The following PLCB1 variants were observed in gnomAD, a reference collection of about 807,000 sequenced individuals.
PLCB1 encodes the protein 1-phosphatidylinositol 4,5-bisphosphate phosphodiesterase beta-1.
A neutral mutation model predicts 161.8 loss-of-function variants in PLCB1; 46 were observed. The ratio of observed to expected loss-of-function variants is 0.28; its 90% CI spans 0.22 to 0.36. PLCB1 has a LOEUF of 0.36. PLCB1 is among the 10% of genes least tolerant of loss of function. The pLI, the probability that PLCB1 is intolerant of heterozygous loss-of-function variation, is 1.00. For missense variants in PLCB1, 1,016 were observed against 1,472.5 expected (o/e 0.69, Z 5.07); for synonymous variants, 517 against 503.7 (o/e 1.03, Z -0.35).
At chr20:8,732,317 G>A (rs1409772934) in intron 18 of PLCB1, 1 of 151,986 alleles carries the variant, frequency 6.6e-6, no homozygotes, top group Non-Finnish European at 1.5e-5. Flanking sequence ...GCTGGTTTAA[G>A]CTTTCTGAAG....
chr20:8,298,584 A>G (rs1983747266), intron 2 of PLCB1, among the ~76,000 whole-genome samples: 1 of 150,244 alleles, frequency 6.7e-6, no homozygotes, highest in African/African-American at 2.4e-5. Flanking sequence ...AGAAGTGTGG[A>G]ATTGGGGCTT....
chr20:8,497,248 C>G (rs1366492078), intron 3 of PLCB1, among the ~76,000 whole-genome samples: 1 of 152,104 alleles, frequency 6.6e-6, no homozygotes, highest in Non-Finnish European at 1.5e-5. Flanking sequence ...GGTATATATG[C>G]TGCCTATATA....
At chr20:8,176,238 G>A (rs965699320) in intron 2 of PLCB1, among the ~76,000 whole-genome samples, 4 of 152,150 alleles carry the variant, frequency 2.6e-5, no homozygotes, top group African/African-American at 9.7e-5. Flanking sequence ...ACTGAAGATA[G>A]ACCAGATGCC....
Position 8,744,655 on chromosome 20 carries a change from T to TAAAATA in PLCB1, c.2523+3086_2523+3087insTAAAAA, listed in dbSNP as rs1981071970. ...TAAAATAAAATAAAATAAAATAAAA[T>TAAAATA]AAAAAAATAAAATTGTTTGTAAATA... On this transcript the variant is annotated intron_variant, in intron 23 of 31. Transcript: ENST00000338037. Among the ~76,000 whole-genome samples the TAAAATA allele has an allele frequency of 2.8e-5, 4 of 143,056 alleles. No individual in the cohort carries two copies. In the South Asian group the frequency reaches 8.5e-4, roughly 30 times the overall value. 93.9% of individuals were successfully genotyped at this position (143,056 alleles called of 152,430 possible).
At chr20:8,747,915 T>C (rs1981255325) in intron 23 of PLCB1, among the ~76,000 whole-genome samples, 1 of 152,192 alleles carries the variant, frequency 6.6e-6, no homozygotes, top group Non-Finnish European at 1.5e-5. Context: ...TTTTATAAGG[T>C]TACAATGTTT....
chr20:8,719,496 T>TAA (rs1979509833), intron 14 of PLCB1, among the ~76,000 whole-genome samples: 1 of 152,106 alleles, frequency 6.6e-6, no homozygotes. Flanking sequence ...AAATGAAAAC[T>TAA]ATGGATGAAT....
chr20:8,414,115 G>C (rs1979164477), intron 3 of PLCB1, among the ~76,000 whole-genome samples: 1 of 151,936 alleles, frequency 6.6e-6, no homozygotes, highest in South Asian at 2.1e-4. Context: ...TCATTGAAAG[G>C]TAGATTGGAA....
chr20:8,214,711 C>G (rs1979026420), intron 2 of PLCB1, among the ~76,000 whole-genome samples: 1 of 152,044 alleles, frequency 6.6e-6, no homozygotes. Context: ...CTAATGTCAC[C>G]TCATTCTTTT....
At chr20:8,351,148 A>G (rs981744401) in intron 2 of PLCB1, among the ~76,000 whole-genome samples, 5 of 152,196 alleles carry the variant, frequency 3.3e-5, no homozygotes, top group African/African-American at 4.8e-5. Flanking sequence ...AATTAGATAC[A>G]TAGATCAATG....
intron 1 of PLCB1, among the ~76,000 whole-genome samples, chr20:8,147,142 A>ACAGCAT (rs2051461521): frequency 6.6e-6 from 1 of 152,178 alleles, no homozygotes; most frequent in African/African-American, 2.4e-5. Context: ...CCCTGGACCA[A>ACAGCAT]CAGCATCAGC....
chr20:8,463,768 A>T (rs1232321776), intron 3 of PLCB1, among the ~76,000 whole-genome samples: 1 of 152,206 alleles, frequency 6.6e-6, no homozygotes, highest in African/African-American at 2.4e-5. Context: ...GAATGATAAA[A>T]TATGTTCAGC....
chr20:8,559,721 A>G (rs1366955336), intron 3 of PLCB1, among the ~76,000 whole-genome samples: 3 of 152,058 alleles, frequency 2.0e-5, no homozygotes, highest in Non-Finnish European at 4.4e-5. Flanking sequence ...GGCAGAGGAC[A>G]TTATGTATTG....
intron 11 of PLCB1, among the ~76,000 whole-genome samples, chr20:8,706,032 G>A (rs945073209): frequency 3.9e-5 from 6 of 152,210 alleles, no homozygotes; most frequent in Non-Finnish European, 8.8e-5. Context: ...AGGTTTTGCT[G>A]CAATAAGAAG....
chr20:8,464,558 T>G (rs1365920486), intron 3 of PLCB1, among the ~76,000 whole-genome samples: 2 of 152,176 alleles, frequency 1.3e-5, no homozygotes, highest in African/African-American at 2.4e-5. Flanking sequence ...GTAAGGAACA[T>G]GACTGTGCTG....
intron 2 of PLCB1, among the ~76,000 whole-genome samples, chr20:8,344,329 C>G (rs928321895): frequency 6.6e-6 from 1 of 152,194 alleles, no homozygotes; most frequent in African/African-American, 2.4e-5. Context: ...TTTGTGCCAA[C>G]TGGGCACCGT....
intron 4 of PLCB1, among the ~76,000 whole-genome samples, chr20:8,641,888 A>G (rs1194828198): frequency 6.6e-6 from 1 of 152,190 alleles, no homozygotes; most frequent in African/African-American, 2.4e-5. Flanking sequence ...TGTATTTATT[A>G]TAAATGCATT....
At chr20:8,376,319 G>A (rs913738012) in intron 3 of PLCB1, among the ~76,000 whole-genome samples, 9 of 152,120 alleles carry the variant, frequency 5.9e-5, no homozygotes, top group Admixed American at 2.6e-4. Context: ...TATCTAGGCC[G>A]CAATTAAATT....
At position 8,822,627 on chromosome 20, in the gene PLCB1, C is replaced by T. The variant is rs1011304999; in HGVS notation, c.3423+32366C>T. On this transcript the variant is annotated intron_variant, in intron 31 of 31. Transcript: ENST00000338037. ...CATTGCACCAATGCCAGAGTTTCCA[C>T]GAGAAAGAAAAACTAAAAAGCAGCA... 2.1e-4 allele frequency among the ~76,000 whole-genome samples: 32 copies of T among 152,140 alleles called. 1 individual carries two copies. The highest frequency in any genetic ancestry group is 7.2e-4 in the African/African-American group (30 of 41,500).
chr20:8,393,883 A>G (rs141705669), intron 3 of PLCB1, among the ~76,000 whole-genome samples: 3 of 152,294 alleles, frequency 2.0e-5, no homozygotes, highest in Non-Finnish European at 4.4e-5. Flanking sequence ...TGCAGATCCT[A>G]TTAAAGATGT....
Sources: allele counts gnomAD v4.1 joint callset (sites outside exome capture counted in the v4.1 genomes callset), GRCh38; gene constraint gnomAD v4.1.1; transcripts MANE v1.5; gene names NCBI Gene and HGNC (gene_info 2026-07-23, HGNC 2026-07-21).